Variants in FAM110B observed in about 807,000 individuals in gnomAD.
FAM110B encodes the protein family with sequence similarity 110 member B.
In FAM110B, 6 loss-of-function variants were observed where a neutral mutation model predicts 20.4. The ratio of observed to expected loss-of-function variants is 0.29; its 90% CI spans 0.16 to 0.58. The LOEUF (loss-of-function observed/expected upper bound fraction) is 0.58, where lower values mean the gene tolerates loss of function less well. Ranked by LOEUF, FAM110B falls within the 20% of genes least tolerant of loss-of-function variation. The pLI is 0.90. For missense variants in FAM110B, 434 were observed against 498.2 expected, an observed-to-expected ratio of 0.87 and a Z score of 1.23; for synonymous variants, 226 against 214.1, an observed-to-expected ratio of 1.06 and a Z score of -0.49.
At position 58,048,408 on chromosome 8, in the gene FAM110B, G is replaced by A. The variant is rs567361942; in HGVS notation, c.-414+16705G>A. On this transcript the variant is annotated intron_variant, in intron 2 of 3. Transcript: ENST00000519262. ...TCTGTGGGGGAATTTCCCATTATTGGGGTTTCCTCAGGCCCCAACCCTCCT... is the reference window on the plus strand; with the variant it reads ...TCTGTGGGGGAATTTCCCATTATTGAGGTTTCCTCAGGCCCCAACCCTCCT... 8.6e-5 allele frequency among the ~76,000 whole-genome samples: 13 copies of A among 151,956 alleles called. No homozygotes were observed. In the South Asian group the frequency reaches 2.5e-3, roughly 29 times the overall value.
At chr8:58,041,230 G>A (rs147434559) in intron 2 of FAM110B, among the ~76,000 whole-genome samples, 1 of 152,050 alleles carries the variant, frequency 6.6e-6, no homozygotes, top group Non-Finnish European at 1.5e-5. Flanking sequence ...ATGAGCCACC[G>A]CGCGCAGCCG....
chr8:58,118,991 T>C (rs1448489202), intron 3 of FAM110B, among the ~76,000 whole-genome samples: 1 of 152,210 alleles, frequency 6.6e-6, no homozygotes, highest in Admixed American at 6.5e-5. Context: ...CATGATTTTC[T>C]GAAGAAATGA....
chr8:58,106,925 G>T (rs1465746994), intron 3 of FAM110B, among the ~76,000 whole-genome samples: 1 of 152,156 alleles, frequency 6.6e-6, no homozygotes, highest in African/African-American at 2.4e-5. Context: ...TATAACTGAC[G>T]ATAAGCGAGT....
intron 1 of FAM110B, among the ~76,000 whole-genome samples, chr8:58,017,873 A>G (rs1804670980): frequency 6.6e-6 from 1 of 152,212 alleles, no homozygotes; most frequent in African/African-American, 2.4e-5. Context: ...CCAGACTGGT[A>G]ATAATGTCAT....
At chr8:58,066,082 A>T (rs544015962) in intron 2 of FAM110B, among the ~76,000 whole-genome samples, 1 of 152,168 alleles carries the variant, frequency 6.6e-6, no homozygotes, top group Admixed American at 6.6e-5. Flanking sequence ...TCTTTAATTC[A>T]TGCCCCTTCC....
At chr8:58,126,584 T>C (rs1011937805) in intron 3 of FAM110B, among the ~76,000 whole-genome samples, 8 of 151,822 alleles carry the variant, frequency 5.3e-5, no homozygotes, top group Non-Finnish European at 1.0e-4. Flanking sequence ...CTCTCTCTCT[T>C]TTTTTTTAAT....
intron 1 of FAM110B, among the ~76,000 whole-genome samples, chr8:58,021,778 A>G (rs535240709): frequency 1.3e-5 from 2 of 152,276 alleles, no homozygotes; most frequent in African/African-American, 2.4e-5. Context: ...GCCAACCCCA[A>G]CTTGGAATCT....
intron 3 of FAM110B, among the ~76,000 whole-genome samples, chr8:58,137,487 G>A (rs1803646858): frequency 6.6e-6 from 1 of 152,152 alleles, no homozygotes. Flanking sequence ...TTTGAAATAG[G>A]AGGCGGAGGT....
chr8:58,030,573 T>A (rs1289717587), intron 1 of FAM110B, among the ~76,000 whole-genome samples: 3 of 152,226 alleles, frequency 2.0e-5, no homozygotes, highest in African/African-American at 7.2e-5. Context: ...AGTAGTTTTT[T>A]AGCCATTATC....
chr8:58,064,581 G>C, intron 2 of FAM110B, among the ~76,000 whole-genome samples: 1 of 152,040 alleles, frequency 6.6e-6, no homozygotes, highest in East Asian at 1.9e-4. Flanking sequence ...TCTTTTTCAG[G>C]GAGAGTGTCA....
intron 3 of FAM110B, among the ~76,000 whole-genome samples, chr8:58,101,671 T>C (rs1307971837): frequency 6.6e-6 from 1 of 152,094 alleles, no homozygotes; most frequent in East Asian, 1.9e-4. Context: ...CTCCGAAATC[T>C]AGTATGTTTC....
rs368131231 is a variant in FAM110B at position 58,073,192 on chromosome 8, T to C, written c.-413-2343T>C. On this transcript the variant is annotated intron_variant, in intron 2 of 3. Transcript: ENST00000519262. Reference sequence around the variant, plus strand: ...TGTGCTAAGCTTTATCGAGAGAAAATAGAAGGCACAGTCCCTTCCTGTAAG... The same window carrying C: ...TGTGCTAAGCTTTATCGAGAGAAAACAGAAGGCACAGTCCCTTCCTGTAAG... Among the ~76,000 whole-genome samples, 17 of 152,098 alleles carry C rather than the reference T, an allele frequency of 1.1e-4. No homozygotes were observed. In the East Asian group the frequency reaches 2.9e-3, roughly 26 times the overall value.
At chr8:58,039,842 C>T (rs1805171957) in intron 2 of FAM110B, among the ~76,000 whole-genome samples, 1 of 152,174 alleles carries the variant, frequency 6.6e-6, no homozygotes, top group South Asian at 2.1e-4. Flanking sequence ...CAGTAGTAAC[C>T]TTGAACTCCT....
chr8:58,062,555 A>T (rs1805679315), intron 2 of FAM110B, among the ~76,000 whole-genome samples: 1 of 152,256 alleles, frequency 6.6e-6, no homozygotes, highest in African/African-American at 2.4e-5. Flanking sequence ...TCTGTTAATG[A>T]TACTGAGCTA....
At chr8:58,123,631 A>G (rs1244877561) in intron 3 of FAM110B, among the ~76,000 whole-genome samples, 1 of 152,204 alleles carries the variant, frequency 6.6e-6, no homozygotes, top group African/African-American at 2.4e-5. Flanking sequence ...TGATGCTATA[A>G]TCTTTAGAAC....
chr8:58,044,100 G>A (rs1805274499), intron 2 of FAM110B, among the ~76,000 whole-genome samples: 1 of 152,214 alleles, frequency 6.6e-6, no homozygotes, highest in South Asian at 2.1e-4. Flanking sequence ...GTTTTGGGGG[G>A]CTTGAATAAA....
intron 1 of FAM110B, among the ~76,000 whole-genome samples, chr8:58,009,906 C>T (rs1359463192): frequency 6.6e-6 from 1 of 152,040 alleles, no homozygotes; most frequent in Non-Finnish European, 1.5e-5. Context: ...CAGAACACTT[C>T]TGTAGGTTTA....
At position 58,146,917 on chromosome 8, in the gene FAM110B, A is replaced by G. The variant is rs1452504249; in HGVS notation, c.687A>G (p.Lys229=). 3 of 1,614,130 alleles carry G rather than the reference A, an allele frequency of 1.9e-6. No homozygotes were observed. The highest frequency in any genetic ancestry group is 3.3e-5 in the Admixed American group (2 of 60,026). Residue 229 remains lysine, a synonymous_variant, in exon 4 of 4, where the codon AAA becomes AAG. Coordinates refer to ENST00000519262, the MANE Select transcript of FAM110B (RefSeq NM_001377989.1). ...CCCCTCCCCTGCCTCCCAAGCCCAA[A>G]ATCGCAGCCATCGCCTCCATGAAGT... The part of the protein sequence containing the change: ...SSAPPLPPKP[K]IAAIASMKSP...
At chr8:58,032,848 G>A (rs1053862075) in intron 2 of FAM110B, among the ~76,000 whole-genome samples, 6 of 152,146 alleles carry the variant, frequency 3.9e-5, no homozygotes, top group Non-Finnish European at 7.4e-5. Flanking sequence ...CCTAAGCTGA[G>A]AACTTCTGTG....
Sources: gnomAD v4.1 joint callset for allele counts (sites outside exome capture counted in the v4.1 genomes callset) on GRCh38, gnomAD v4.1.1 for gene constraint, MANE v1.5 for transcripts, NCBI Gene and HGNC (gene_info 2026-07-23, HGNC 2026-07-21) for gene names.